CSMD2: variants seen among roughly 807,000 people sequenced by gnomAD.
The protein encoded by CSMD2 is CUB and sushi domain-containing protein 2.
In CSMD2, 130 loss-of-function variants were observed where a neutral mutation model predicts 398.5. The observed-to-expected ratio is 0.33, with a 90% CI of 0.28 to 0.38. The LOEUF is 0.38. Among genes scored for constraint, CSMD2 ranks in the 10% least tolerant of loss-of-function variants. The probability of loss-of-function intolerance (pLI) is 1.00; values close to 1 mark genes in which losing one functional copy is unlikely to be tolerated. For missense variants in CSMD2, 3,829 were observed against 4,764.9 expected (o/e 0.80, Z 5.78); for synonymous variants, 1,828 against 1,908.5 (o/e 0.96, Z 1.10).
In CSMD2 at chr1:33,990,976, A is replaced by G. The variant is rs1646533556; in HGVS notation, c.517+41618T>C. Among the ~76,000 whole-genome samples the G allele has an allele frequency of 2.7e-5, 4 of 150,912 alleles. 1 individual carries two copies. Among genetic ancestry groups the G allele is most frequent in the Admixed American group, 2.6e-4 (4 of 15,144 alleles). On this transcript the variant is annotated intron_variant, in intron 3 of 70. Transcript: ENST00000373381. ...TATTTATGGTAAAATAGTGTTTGTT[A>G]TTTATGTGAAAATCAAACTTAACTG...
chr1:33,646,735 G>T lies in CSMD2; in HGVS notation c.4687C>A (p.Arg1563Ser). 1.2e-6 allele frequency: 2 copies of T among 1,614,158 alleles called. No individual in the cohort carries two copies. Among genetic ancestry groups the T allele is most frequent in the South Asian group, 2.2e-5 (2 of 91,080 alleles). Reference protein sequence around the residue: ...GSFYGSQLPGRIESSSNSLFL... With the variant: ...GSFYGSQLPGSIESSSNSLFL... ...AGGCTGTTGCTGCTGCTTTCAATGC[G>T]GCCTGGGAGCTGGGAGCCATAGAAG... The change falls in exon 29 of 71, where the codon CGC (arginine) becomes AGC (serine). Residue 1563 changes from arginine (R) to serine (S), a missense_variant. By Grantham distance (110) the Arg-to-Ser change is moderately radical (BLOSUM62 -1). This residue lies in a region of CSMD2 where 2,001 missense variants were observed against 2,567.1 expected (regional missense o/e 0.78). Transcript: ENST00000373381.
chr1:34,050,037 T>G (rs1485828021), intron 2 of CSMD2, among the ~76,000 whole-genome samples: 3 of 152,228 alleles, frequency 2.0e-5, no homozygotes, highest in Admixed American at 2.0e-4. Context: ...CTCACCAGAA[T>G]CAGGCCATTC....
At chr1:33,747,169 G>A (rs912581472) in intron 13 of CSMD2, among the ~76,000 whole-genome samples, 4 of 152,156 alleles carry the variant, frequency 2.6e-5, no homozygotes, top group Non-Finnish European at 4.4e-5. Context: ...TAAAGTTGAG[G>A]TTAACAAAAA....
intron 22 of CSMD2, among the ~76,000 whole-genome samples, chr1:33,702,803 T>C (rs72662073): frequency 0.027 from 4,056 of 152,234 alleles, 74 homozygotes; most frequent in Non-Finnish European, 0.042. Flanking sequence ...ACTCAGTAAA[T>C]GTATGATAAA....
At chr1:34,076,125 G>A (rs1272390403) in intron 2 of CSMD2, among the ~76,000 whole-genome samples, 1 of 152,224 alleles carries the variant, frequency 6.6e-6, no homozygotes, top group Non-Finnish European at 1.5e-5. Flanking sequence ...GGGAGTCATT[G>A]GGAGATGAAT....
At chr1:33,714,517 C>T (rs1646097695) in intron 21 of CSMD2, 70 bp downstream of exon 21, 18 of 1,536,520 alleles carry the variant, frequency 1.2e-5, no homozygotes, top group Non-Finnish European at 1.6e-5. Context: ...CCGTCCACCA[C>T]CTCACATCAA....
intron 1 of CSMD2, among the ~76,000 whole-genome samples, chr1:34,144,300 C>T (rs1639573595): frequency 6.6e-6 from 1 of 152,214 alleles, no homozygotes; most frequent in Admixed American, 6.5e-5. Flanking sequence ...CTACTCTTGT[C>T]TCCACAGAGG....
At chr1:33,782,734 T>C (rs979020287) in intron 12 of CSMD2, among the ~76,000 whole-genome samples, 1 of 152,216 alleles carries the variant, frequency 6.6e-6, no homozygotes, top group Non-Finnish European at 1.5e-5. Flanking sequence ...TGCCAGGCAC[T>C]GAATTAGGCT....
At chr1:33,666,444 C>T (rs1171978758) in intron 25 of CSMD2, among the ~76,000 whole-genome samples, 2 of 152,166 alleles carry the variant, frequency 1.3e-5, no homozygotes, top group Middle Eastern at 3.4e-3. Flanking sequence ...TGTTAAATTT[C>T]CTCTTTGGCA....
intron 62 of CSMD2, among the ~76,000 whole-genome samples, chr1:33,534,545 G>A (rs1008221927): frequency 5.9e-5 from 9 of 151,922 alleles, no homozygotes; most frequent in South Asian, 4.2e-4. Flanking sequence ...TCGACACCCC[G>A]CAACCACGGG....
chr1:33,949,437 C>A (rs571226), intron 3 of CSMD2, among the ~76,000 whole-genome samples: 62,242 of 151,684 alleles, frequency 0.41, 13,386 homozygotes, highest in African/African-American at 0.55. Flanking sequence ...TCTTGTTGAG[C>A]CAGGGAGCGG....
Position 34,147,345 on chromosome 1 carries a change from T to C in CSMD2, c.187+17566A>G, listed in dbSNP as rs543781350. 7.9e-5 allele frequency among the ~76,000 whole-genome samples: 12 copies of C among 151,470 alleles called. No individual in the cohort carries two copies. In the East Asian group the frequency reaches 2.1e-3, roughly 27 times the overall value. On this transcript the variant is annotated intron_variant, in intron 1 of 70. Coordinates refer to ENST00000373381, the MANE Select transcript of CSMD2 (RefSeq NM_001281956.2). ...CTGGAAGCTCCAATATTAAAGCAAA[T>C]GTTAAGTGGGAAGGAGTGATGGGCA...
chr1:33,846,884 C>G lies in CSMD2; in HGVS notation c.1033G>C (p.Val345Leu). The G allele has an allele frequency of 1.3e-6, 2 of 1,591,744 alleles. No individual in the cohort carries two copies. The highest frequency in any genetic ancestry group is 1.7e-6 in the Non-Finnish European group (2 of 1,166,930). The change falls in exon 6 of 71, where the codon GTC (valine) becomes CTC (leucine). Residue 345 changes from valine to leucine, a missense_variant and splice_region_variant. Physicochemically the swap from Val to Leu is conservative, Grantham distance 32. Around this residue, in one of 5 missense-constraint regions of CSMD2, gnomAD observed 2,001 missense variants for 2,567.1 expected, o/e 0.78. Transcript: ENST00000373381. ...CCAGACAGTCCTGGGACCTGCCTAC[C>G]TTGGTATTGGGCACTGAATCCGCGC... ...RQRGFSAQYQ[V>L]KKQIELKSRG...
Position 33,636,305 on chromosome 1 carries a change from GC to G in CSMD2, c.4969+54del. On this transcript the variant is annotated intron_variant, in intron 30 of 70. Transcript: ENST00000373381. This position sits in a 1 kb window ranked among gnomAD's most constrained non-coding sequence, Gnocchi z 4.8. ...CCTTCCCCAGCCCACAGCACCCTCTGCCCCTGGCATGCCCTCAGTTCCTCAG... is the reference window on the plus strand; with the variant it reads ...CCTTCCCCAGCCCACAGCACCCTCTGCCCTGGCATGCCCTCAGTTCCTCAG... The G allele has an allele frequency of 1.3e-6, 2 of 1,495,440 alleles. No homozygotes were observed. Among genetic ancestry groups the G allele is most frequent in the Non-Finnish European group, 1.8e-6 (2 of 1,106,152 alleles). The allele number at this position is 1,495,440 out of a possible 1,614,324, so 92.6% of individuals were successfully genotyped here.
At chr1:33,750,297 A>T (rs1246686279) in intron 13 of CSMD2, among the ~76,000 whole-genome samples, 2 of 152,178 alleles carry the variant, frequency 1.3e-5, no homozygotes, top group Non-Finnish European at 2.9e-5. Context: ...CTTGAGACAG[A>T]TAAGGAATAA....
intron 7 of CSMD2, 125 bp downstream of exon 7, chr1:33,825,572 A>G: frequency 1.2e-6 from 1 of 862,162 alleles, no homozygotes; most frequent in East Asian, 2.6e-5. Flanking sequence ...CGCAGAGCCC[A>G]GGATGGAGGA....
chr1:33,823,551 C>A (rs1658421448), intron 7 of CSMD2, among the ~76,000 whole-genome samples: 1 of 152,120 alleles, frequency 6.6e-6, no homozygotes, highest in Non-Finnish European at 1.5e-5. Context: ...CCGCAATGTG[C>A]TCAGGAAGGC....
chr1:33,875,890 G>GT (rs1470296374), intron 5 of CSMD2, among the ~76,000 whole-genome samples: 11 of 152,288 alleles, frequency 7.2e-5, no homozygotes, highest in Admixed American at 2.6e-4. Context: ...AAATGGTCTT[G>GT]TTTTTGTCTT....
chr1:34,103,666 A>G (rs2196541), intron 1 of CSMD2, among the ~76,000 whole-genome samples: 113,023 of 151,934 alleles, frequency 0.74, 42,786 homozygotes, highest in Admixed American at 0.82. Flanking sequence ...CACTCAGTAC[A>G]CATTTTTAAA....
Sources: allele counts gnomAD v4.1 joint callset (sites outside exome capture counted in the v4.1 genomes callset), GRCh38; gene constraint gnomAD v4.1.1; regional missense constraint gnomAD v4.1.1; non-coding constraint Gnocchi (gnomAD v3.1); transcripts MANE v1.5; gene names NCBI Gene and HGNC (gene_info 2026-07-23, HGNC 2026-07-21).